WDR36: variants seen among roughly 807,000 people sequenced by gnomAD.
WDR36 encodes the protein WD repeat-containing protein 36.
In WDR36, 63 loss-of-function variants were observed where a neutral mutation model predicts 112.7. The observed-to-expected ratio is 0.56, with a 90% CI of 0.46 to 0.69. The LOEUF is 0.69. Among genes scored for constraint, WDR36 ranks in the 30% least tolerant of loss-of-function variants. The pLI is 0.00. For synonymous variants in WDR36, 410 were observed against 362.2 expected (o/e 1.13, Z -1.50); for missense variants, 1,226 against 1,070.3 (o/e 1.15, Z -2.03).
At chr5:111,103,628 A>T (rs1264335842) in intron 6 of WDR36, among the ~76,000 whole-genome samples, 158 bp from the exon 7 acceptor site, 20 of 151,768 alleles carry the variant, frequency 1.3e-4, no homozygotes, top group African/African-American at 2.9e-4. Context: ...CTGAATAAAA[A>T]AGTATGCTTG....
chr5:111,113,186 T>A (rs748812869), intron 16 of WDR36, 33 bp downstream of exon 16: 1 of 1,298,044 alleles, frequency 7.7e-7, no homozygotes, highest in Admixed American at 1.7e-5. Context: ...CTAACCTCTA[T>A]AAGATTTCTA....
intron 13 of WDR36, 152 bp from the exon 14 acceptor site, chr5:111,110,636 C>T (rs1753313305): frequency 2.4e-6 from 2 of 841,380 alleles, no homozygotes; most frequent in Non-Finnish European, 3.8e-6. Context: ...TAAGAATCTT[C>T]TTACACCCCT....
chr5:111,096,463 GA>G (rs1030337885), intron 2 of WDR36, among the ~76,000 whole-genome samples: 1 of 152,148 alleles, frequency 6.6e-6, no homozygotes, highest in African/African-American at 2.4e-5. Flanking sequence ...CAGCACTTTG[GA>G]AGGCCGAGGT....
rs771871684 is a variant in WDR36, at chr5:111,092,359, A to G, written c.-98A>G. ...GCGCCGGAAGCGGTGTTGTGTCTGC[A>G]GCTCTGGCAGAGGACTGTTCCACTA... On this transcript the variant is annotated 5_prime_UTR_variant, in exon 1 of 23. Coordinates refer to ENST00000513710, the MANE Select transcript of WDR36 (RefSeq NM_139281.3). The G allele has an allele frequency of 9.3e-6, 15 of 1,614,246 alleles. No homozygotes were observed. In the South Asian group the frequency reaches 1.2e-4, roughly 13 times the overall value.
At chr5:111,115,493 G>A (rs1295037408) in intron 16 of WDR36, among the ~76,000 whole-genome samples, 6 of 152,108 alleles carry the variant, frequency 3.9e-5, no homozygotes, top group African/African-American at 1.2e-4. Flanking sequence ...CGCAAAATCA[G>A]CACAGGAGAA....
At chr5:111,093,084 A>T (rs555679754) in intron 1 of WDR36, among the ~76,000 whole-genome samples, 87 of 152,370 alleles carry the variant, frequency 5.7e-4, no homozygotes, top group Non-Finnish European at 9.7e-4. Context: ...AATATCTAAT[A>T]GCAATCAGTT....
At chr5:111,110,756 A>ATT (rs34323614) in intron 13 of WDR36, 32 bp from the exon 14 acceptor site, 714 of 1,513,492 alleles carry the variant, frequency 4.7e-4, no homozygotes, top group South Asian at 1.5e-3. Context: ...GCCAATTCTG[A>ATT]TTTTTTTTTT....
chr5:111,106,795 GTGTGGTCC>G (rs1404668751), intron 11 of WDR36, among the ~76,000 whole-genome samples: 1 of 151,300 alleles, frequency 6.6e-6, no homozygotes. Flanking sequence ...ACCCTTTGTA[GTGTGGTCC>G]TGATTGCCTT....
chr5:111,104,595 C>T (rs1753187323), intron 8 of WDR36, 102 bp from the exon 9 acceptor site: 3 of 1,565,664 alleles, frequency 1.9e-6, no homozygotes, highest in Non-Finnish European at 2.6e-6. Flanking sequence ...AGTGGCTTAG[C>T]AAGCACTACT....
chr5:111,130,166 C>T lies in WDR36; in HGVS notation c.*3283C>T, dbSNP rs1399225283. 4.8e-6 allele frequency: 1 copy of T among 207,494 alleles called. No individual in the cohort carries two copies. The highest frequency in any genetic ancestry group is 7.3e-5 in the East Asian group (1 of 13,792). The allele number at this position is 207,494 out of a possible 1,614,324, so 12.9% of individuals were successfully genotyped here. On this transcript the variant is annotated 3_prime_UTR_variant, in exon 23 of 23. Coordinates refer to ENST00000513710, the MANE Select transcript of WDR36 (RefSeq NM_139281.3). The stretch of plus-strand genomic sequence containing the variant: ...ACTGATTTGGAGAGACCGACAATAC[C>T]GAGTGCAGTCCTCCCTTGGTATCTA...
At chr5:111,115,053 C>A (rs1164127641) in intron 16 of WDR36, among the ~76,000 whole-genome samples, 1 of 152,148 alleles carries the variant, frequency 6.6e-6, no homozygotes, top group Admixed American at 6.6e-5. Context: ...AGATTCAAAT[C>A]TGATAGATTT....
rs146048348 is a variant in WDR36 at position 111,097,087 on chromosome 5, G to C, written c.199G>C (p.Val67Leu). ...KLSLVAVSNS[V>L]PQDICCMAAD... Reference sequence around the variant, plus strand: ...TTTGTATTTTCTGCTAGGTAATTCTGTTCCACAGGATATCTGCTGTATGGC... The same window carrying C: ...TTTGTATTTTCTGCTAGGTAATTCTCTTCCACAGGATATCTGCTGTATGGC... The change falls in exon 3 of 23, where the codon GTT (valine) becomes CTT (leucine). Residue 67 changes from valine to leucine, a missense_variant. Physicochemically the swap from Val to Leu is conservative, Grantham distance 32 (BLOSUM62 1). Transcript: ENST00000513710. The C allele has an allele frequency of 1.1e-5, 18 of 1,612,648 alleles. No individual in the cohort carries two copies. The African/African-American group carries it at 2.1e-4, about 19-fold the overall frequency.
intron 3 of WDR36, among the ~76,000 whole-genome samples, chr5:111,097,819 A>G (rs1384096997): frequency 6.6e-6 from 1 of 152,190 alleles, no homozygotes; most frequent in Non-Finnish European, 1.5e-5. Context: ...GTATCACTGT[A>G]CTTGTCAGGG....
At chr5:111,123,336 A>C (rs1239650696) in intron 19 of WDR36, among the ~76,000 whole-genome samples, 1 of 152,212 alleles carries the variant, frequency 6.6e-6, no homozygotes, top group African/African-American at 2.4e-5. Context: ...GAAATTATCA[A>C]ATTACTTATA....
chr5:111,099,082 G>A (rs1318892546), intron 4 of WDR36, among the ~76,000 whole-genome samples: 1 of 152,114 alleles, frequency 6.6e-6, no homozygotes, highest in East Asian at 1.9e-4. Flanking sequence ...TTCCATTGCA[G>A]TTCTCCAACT....
rs1200557705 is a variant in WDR36, at chr5:111,102,322, T to G, written c.543-23T>G. Reference sequence around the variant, plus strand: ...CCTCCAAAAAAAAAAAAATACAGCTTTCAACTATTTTTCTTCTTGTAGTAA... The same window carrying G: ...CCTCCAAAAAAAAAAAAATACAGCTGTCAACTATTTTTCTTCTTGTAGTAA... On this transcript the variant is annotated intron_variant, in intron 5 of 22. Transcript: ENST00000513710. 3 of 1,596,812 alleles carry G rather than the reference T, an allele frequency of 1.9e-6. No homozygotes were observed. The Admixed American group carries it at 5.1e-5, about 27-fold the overall frequency.
chr5:111,100,866 G>A, intron 5 of WDR36, 145 bp downstream of exon 5: 1 of 708,622 alleles, frequency 1.4e-6, no homozygotes. Flanking sequence ...CCCTGTATCA[G>A]AGGAGTCAAT....
At chr5:111,093,908 A>G (rs1752922167) in intron 1 of WDR36, among the ~76,000 whole-genome samples, 1 of 152,226 alleles carries the variant, frequency 6.6e-6, no homozygotes, top group African/African-American at 2.4e-5. Flanking sequence ...CTCTAGTTCT[A>G]ACACTGATGA....
chr5:111,097,326 GAA>G lies in WDR36; in HGVS notation c.291+148_291+149del, dbSNP rs1345702484. On this transcript the variant is annotated intron_variant, in intron 3 of 22. Coordinates refer to ENST00000513710, the MANE Select transcript of WDR36 (RefSeq NM_139281.3). ...CTAATGTATATTCAGTTTTCTGGAG[GAA>G]GATAAATTTTCAGAAAAGGCTTACT... 6 of 653,308 alleles carry G rather than the reference GAA, an allele frequency of 9.2e-6. No individual in the cohort carries two copies. The Admixed American group carries it at 1.5e-4, about 16-fold the overall frequency. The allele number at this position is 653,308 out of a possible 1,614,324, so 40.5% of individuals were successfully genotyped here. A position where few individuals can be genotyped will look rare whatever the true frequency, so the allele number is the denominator to read the frequency against.
Sources: allele counts gnomAD v4.1 joint callset (sites outside exome capture counted in the v4.1 genomes callset), GRCh38; gene constraint gnomAD v4.1.1; transcripts MANE v1.5; gene names NCBI Gene and HGNC (gene_info 2026-07-23, HGNC 2026-07-21).